Variants in CNTLN observed in about 807,000 individuals in gnomAD.
The protein encoded by CNTLN is centlein, centrosomal protein.
In CNTLN, 212 loss-of-function variants were observed where a neutral mutation model predicts 180.0. The ratio of observed to expected loss-of-function variants is 1.18; its 90% CI spans 1.05 to 1.32. The LOEUF (loss-of-function observed/expected upper bound fraction) is 1.32, where lower values mean the gene tolerates loss of function less well. Among genes scored for constraint, CNTLN ranks in the 40% most tolerant of loss-of-function variants. The pLI is 0.00. For synonymous variants in CNTLN, 722 were observed against 563.1 expected (o/e 1.28, Z -3.99); for missense variants, 2,095 against 1,610.9 (o/e 1.30, Z -5.14).
chr9:17,154,226 A>G (rs1402568011), intron 2 of CNTLN, among the ~76,000 whole-genome samples: 1 of 152,178 alleles, frequency 6.6e-6, no homozygotes, highest in African/African-American at 2.4e-5. Context: ...CCTTTGGAAG[A>G]GGAGAGGTAT....
chr9:17,409,747 G>T (rs1293760647), intron 16 of CNTLN, among the ~76,000 whole-genome samples: 1 of 151,860 alleles, frequency 6.6e-6, no homozygotes, highest in African/African-American at 2.4e-5. Flanking sequence ...TTGTTTTCAG[G>T]TATATGAAAT....
At chr9:17,330,015 C>T (rs533145833) in intron 8 of CNTLN, among the ~76,000 whole-genome samples, 1 of 152,088 alleles carries the variant, frequency 6.6e-6, no homozygotes, top group South Asian at 2.1e-4. Flanking sequence ...TTCCAGTTTT[C>T]ATGAACAGGT....
chr9:17,140,204 T>C (rs917227523), intron 1 of CNTLN, among the ~76,000 whole-genome samples: 3 of 152,202 alleles, frequency 2.0e-5, no homozygotes, highest in African/African-American at 4.8e-5. Context: ...AAATTGACCA[T>C]AGTATAGCAT....
At chr9:17,411,361 G>A (rs1827830897) in intron 16 of CNTLN, among the ~76,000 whole-genome samples, 1 of 152,138 alleles carries the variant, frequency 6.6e-6, no homozygotes, top group African/African-American at 2.4e-5. Context: ...GAGAAAAATT[G>A]CAACCCTGTT....
chr9:17,248,537 TAAA>T (rs1370802003), intron 5 of CNTLN, among the ~76,000 whole-genome samples: 12 of 134,012 alleles, frequency 9.0e-5, no homozygotes, highest in Middle Eastern at 4.0e-3. Context: ...TTTATAATTA[TAAA>T]TATATTTAAT....
chr9:17,513,516 C>T, the CNTLN span, among the ~76,000 whole-genome samples: 2 of 151,948 alleles, frequency 1.3e-5, no homozygotes, highest in Admixed American at 6.6e-5. Flanking sequence ...AGCAAAATGG[C>T]GAAACCCCTT....
At chr9:17,444,147 C>T (rs1830269998) in intron 18 of CNTLN, 3 of 152,154 alleles carry the variant, frequency 2.0e-5, no homozygotes, top group Admixed American at 2.0e-4. Context: ...AAATTGCAGA[C>T]AGACACTCTA....
chr9:17,490,116 G>T lies in CNTLN; in HGVS notation c.4119+3050G>T, dbSNP rs533790371. Among the ~76,000 whole-genome samples the T allele has an allele frequency of 1.6e-4, 24 of 152,200 alleles. 1 individual carries two copies. Among genetic ancestry groups the T allele is most frequent in the Middle Eastern group, 3.4e-3 (1 of 294 alleles). On this transcript the variant is annotated intron_variant, in intron 25 of 25. Transcript: ENST00000380647. ...GATAGAAATAGGAAAAGTAGGCTGG[G>T]ACCAAATTATAAAAGCTTTTGAGCA...
At chr9:17,259,347 C>T (rs1328149451) in intron 5 of CNTLN, among the ~76,000 whole-genome samples, 1 of 132,064 alleles carries the variant, frequency 7.6e-6, no homozygotes. Flanking sequence ...GGTGGATAAG[C>T]TTTTTGATGT....
At chr9:17,421,533 A>G (rs969275900) in intron 18 of CNTLN, among the ~76,000 whole-genome samples, 1 of 151,960 alleles carries the variant, frequency 6.6e-6, no homozygotes, top group South Asian at 2.1e-4. Flanking sequence ...GCTACTATGT[A>G]TCTTTTGGTT....
chr9:17,312,670 TG>T (rs1256098202), intron 8 of CNTLN, among the ~76,000 whole-genome samples: 4 of 150,966 alleles, frequency 2.6e-5, no homozygotes, highest in Admixed American at 2.0e-4. Context: ...CCCAAAGTGC[TG>T]GGATTACAGG....
intron 8 of CNTLN, among the ~76,000 whole-genome samples, chr9:17,326,982 T>C (rs903546628): frequency 1.3e-5 from 2 of 152,130 alleles, no homozygotes; most frequent in Admixed American, 6.6e-5. Flanking sequence ...GAATAGACTA[T>C]GTCCTTCAGT....
rs930936801 is a variant in CNTLN, at chr9:17,401,519, G to A, written c.2615+6450G>A. On this transcript the variant is annotated intron_variant, in intron 15 of 25. Transcript: ENST00000380647. ...TCCTTAGGAGCTGAGACTACAGCAC[G>A]TGCTACCGTGCCTGGCTAATTTTTC... 2.0e-5 allele frequency among the ~76,000 whole-genome samples: 3 copies of A among 148,308 alleles called. 1 individual carries two copies. Among genetic ancestry groups the A allele is most frequent in the Admixed American group, 1.3e-4 (2 of 14,826 alleles).
chr9:17,409,790 A>T (rs548300244), intron 16 of CNTLN, among the ~76,000 whole-genome samples: 1 of 152,190 alleles, frequency 6.6e-6, no homozygotes, highest in East Asian at 1.9e-4. Flanking sequence ...TTTGTATATT[A>T]GTCTTTGCAA....
intron 25 of CNTLN, among the ~76,000 whole-genome samples, chr9:17,490,328 G>T (rs1833092044): frequency 6.6e-6 from 1 of 152,066 alleles, no homozygotes. Context: ...TGAGTGAATA[G>T]ATAGCAGTAA....
chr9:17,476,838 C>G (rs1487771581), intron 23 of CNTLN, among the ~76,000 whole-genome samples: 1 of 152,150 alleles, frequency 6.6e-6, no homozygotes, highest in Non-Finnish European at 1.5e-5. Flanking sequence ...TCCAAAAGAT[C>G]TAGGTAAGAT....
chr9:17,364,492 A>G (rs1042364853), intron 12 of CNTLN, among the ~76,000 whole-genome samples: 1 of 152,062 alleles, frequency 6.6e-6, no homozygotes, highest in Non-Finnish European at 1.5e-5. Context: ...TCTGTTTCAT[A>G]AACCCCTGTT....
At chr9:17,508,874 T>A (rs1010572131), downstream of CNTLN, among the ~76,000 whole-genome samples, 3 of 152,222 alleles carry the variant, frequency 2.0e-5, no homozygotes, top group Admixed American at 1.3e-4. Flanking sequence ...GGAAAGAATA[T>A]GATTGAAAAA....
At chr9:17,494,409 G>T (rs1833334998) in intron 25 of CNTLN, among the ~76,000 whole-genome samples, 1 of 152,040 alleles carries the variant, frequency 6.6e-6, no homozygotes, top group African/African-American at 2.4e-5. Context: ...ACATGTGCAG[G>T]TTGTTATATA....
Sources: allele counts gnomAD v4.1 joint callset (sites outside exome capture counted in the v4.1 genomes callset), GRCh38; gene constraint gnomAD v4.1.1; transcripts MANE v1.5; gene names NCBI Gene and HGNC (gene_info 2026-07-23, HGNC 2026-07-21).